Variants in C10orf90 observed in about 807,000 individuals in gnomAD.
C10orf90 encodes chromosome 10 open reading frame 90.
Under a neutral mutation model 62.5 loss-of-function variants are expected in C10orf90, and 56 were observed. That is an observed-to-expected ratio of 0.90 (90% CI 0.72 to 1.12). The LOEUF (loss-of-function observed/expected upper bound fraction) is 1.12. Among genes scored for constraint, C10orf90 ranks in the 50% most tolerant of loss-of-function variants. The probability of loss-of-function intolerance (pLI) is 0.00; values close to 1 mark genes in which losing one functional copy is unlikely to be tolerated. For synonymous variants in C10orf90, 386 were observed against 340.4 expected (o/e 1.13, Z -1.47); for missense variants, 970 against 880.4 (o/e 1.10, Z -1.29).
intron 5 of C10orf90, among the ~76,000 whole-genome samples, chr10:126,462,253 C>A (rs1385707251): frequency 1.3e-5 from 2 of 152,112 alleles, no homozygotes; most frequent in Non-Finnish European, 2.9e-5. Context: ...TTCACTCTGT[C>A]CTTAGCTCAC....
intron 5 of C10orf90, among the ~76,000 whole-genome samples, chr10:126,461,925 C>T (rs993790050): frequency 6.6e-6 from 1 of 152,098 alleles, no homozygotes; most frequent in Non-Finnish European, 1.5e-5. Flanking sequence ...TATCACAGTT[C>T]GGTTGTTTTG....
intron 1 of C10orf90, among the ~76,000 whole-genome samples, chr10:126,653,370 TA>T (rs1564910904): frequency 6.6e-6 from 1 of 152,252 alleles, no homozygotes; most frequent in African/African-American, 2.4e-5. Context: ...ATTTATAGAA[TA>T]TTCTAAGTTG....
intron 2 of C10orf90, among the ~76,000 whole-genome samples, chr10:126,576,684 C>T (rs1591113954): frequency 0.17 from 6,327 of 37,554 alleles, 1,218 homozygotes; most frequent in African/African-American, 0.29. Context: ...TATACATATA[C>T]ATATACATGT....
intron 4 of C10orf90, among the ~76,000 whole-genome samples, chr10:126,477,000 A>C (rs1351911966): frequency 7.3e-6 from 1 of 136,424 alleles, no homozygotes; most frequent in African/African-American, 2.8e-5. Flanking sequence ...AGCTCCGCCT[A>C]CCGGGTTCAC....
At chr10:126,450,252 G>A (rs967658632) in intron 7 of C10orf90, among the ~76,000 whole-genome samples, 1 of 152,120 alleles carries the variant, frequency 6.6e-6, no homozygotes, top group African/African-American at 2.4e-5. Context: ...GCAGAATATT[G>A]TTAAAATATC....
chr10:126,500,805 CT>C (rs1205073870), intron 4 of C10orf90, among the ~76,000 whole-genome samples: 3 of 152,210 alleles, frequency 2.0e-5, no homozygotes, highest in Non-Finnish European at 4.4e-5. Context: ...TTTTCCTCAT[CT>C]TCTCTTTTGG....
chr10:126,499,364 T>C (rs1283475763), intron 4 of C10orf90, among the ~76,000 whole-genome samples: 1 of 152,172 alleles, frequency 6.6e-6, no homozygotes, highest in Non-Finnish European at 1.5e-5. Context: ...AATCTGGCCC[T>C]TCACAAACAA....
At chr10:126,598,692 A>C (rs949169747) in intron 2 of C10orf90, among the ~76,000 whole-genome samples, 1 of 152,104 alleles carries the variant, frequency 6.6e-6, no homozygotes, top group Middle Eastern at 3.2e-3. Context: ...GCAATCATCA[A>C]CTCACGGGTA....
At chr10:126,659,595 C>A (rs1441440370) in intron 1 of C10orf90, among the ~76,000 whole-genome samples, 2 of 152,128 alleles carry the variant, frequency 1.3e-5, no homozygotes, top group African/African-American at 2.4e-5. Context: ...AAAGTCCTTT[C>A]TAGATGGAGA....
chr10:126,541,265 G>A (rs1348559213), intron 2 of C10orf90, among the ~76,000 whole-genome samples: 1 of 151,996 alleles, frequency 6.6e-6, no homozygotes, highest in East Asian at 1.9e-4. Context: ...GATGTTACTG[G>A]AAAATAAATA....
At chr10:126,433,963 G>A (rs4246192) in intron 7 of C10orf90, among the ~76,000 whole-genome samples, 135,368 of 152,194 alleles carry the variant, frequency 0.89, 60,313 homozygotes, top group East Asian at 0.94. Context: ...TTTTCCCCCA[G>A]TAAAATTACT....
intron 7 of C10orf90, among the ~76,000 whole-genome samples, chr10:126,435,446 T>C (rs1658739680): frequency 6.6e-6 from 1 of 152,138 alleles, no homozygotes; most frequent in South Asian, 2.1e-4. Flanking sequence ...GCAGCTTCCA[T>C]GGAAAGATAG....
intron 1 of C10orf90, among the ~76,000 whole-genome samples, chr10:126,651,107 C>T (rs1488236216): frequency 6.6e-6 from 1 of 152,206 alleles, no homozygotes; most frequent in African/African-American, 2.4e-5. Flanking sequence ...AAATGCTTTA[C>T]AAAGCAACTC....
At chr10:126,662,327 G>T (rs994411019) in intron 1 of C10orf90, among the ~76,000 whole-genome samples, 9 of 152,134 alleles carry the variant, frequency 5.9e-5, no homozygotes, top group Admixed American at 2.6e-4. Flanking sequence ...TCATGGCTCT[G>T]AGGTAGTGCT....
chr10:126,515,740 T>G (rs1350934479), intron 2 of C10orf90, among the ~76,000 whole-genome samples: 1 of 152,172 alleles, frequency 6.6e-6, no homozygotes, highest in Non-Finnish European at 1.5e-5. Flanking sequence ...TTTGGAAGAT[T>G]TGCAAAAGGG....
chr10:126,464,980 G>A lies in C10orf90; in HGVS notation c.1541C>T (p.Thr514Ile). 1.9e-6 allele frequency: 3 copies of A among 1,592,964 alleles called. No homozygotes were observed. Among genetic ancestry groups the A allele is most frequent in the Non-Finnish European group, 2.6e-6 (3 of 1,162,860 alleles). The change falls in exon 5 of 10, where the codon ACA becomes ATA. Residue 514 changes from threonine (T) to isoleucine (I), a missense_variant. By Grantham distance (89) the Thr-to-Ile change is moderately conservative. Coordinates refer to ENST00000488181, the MANE Select transcript of C10orf90 (RefSeq NM_001350921.2). ...IPGWSYRAVH[T>I]KVFSGSSKRQ... ...CTTGCTGCTTCCAGAAAATACTTTT[G>A]TGTGTACTAAAAATAAAACGAGAGT...
At chr10:126,569,055 C>T (rs4498886) in intron 2 of C10orf90, among the ~76,000 whole-genome samples, 51,813 of 151,824 alleles carry the variant, frequency 0.34, 9,896 homozygotes, top group Non-Finnish European at 0.43. Context: ...TGCAGGGTGA[C>T]GTCAGCTGGC....
intron 2 of C10orf90, among the ~76,000 whole-genome samples, chr10:126,587,599 C>G (rs564100705): frequency 6.6e-6 from 1 of 152,324 alleles, no homozygotes; most frequent in South Asian, 2.1e-4. Context: ...AATGCCATCA[C>G]ATTGAGGGTT....
intron 2 of C10orf90, among the ~76,000 whole-genome samples, chr10:126,553,299 G>C (rs1298150481): frequency 6.6e-6 from 1 of 151,962 alleles, no homozygotes; most frequent in East Asian, 1.9e-4. Flanking sequence ...AAATCAATAA[G>C]AAAAAGATAG....
Sources: allele counts gnomAD v4.1 joint callset (sites outside exome capture counted in the v4.1 genomes callset), GRCh38; gene constraint gnomAD v4.1.1; transcripts MANE v1.5; gene names NCBI Gene and HGNC (gene_info 2026-07-23, HGNC 2026-07-21).